WDR70: variants seen among roughly 807,000 people sequenced by gnomAD.
WDR70 encodes the protein WD repeat-containing protein 70.
Under a neutral mutation model 88.6 loss-of-function variants are expected in WDR70, and 53 were observed. The ratio of observed to expected loss-of-function variants is 0.60; its 90% CI spans 0.48 to 0.75. The LOEUF is 0.75. Among genes scored for constraint, WDR70 ranks in the 30% least tolerant of loss-of-function variants. WDR70 has a pLI of 0.00. For synonymous variants in WDR70, 280 were observed against 270.0 expected, an observed-to-expected ratio of 1.04 and a Z score of -0.36; for missense variants, 610 against 823.2, an observed-to-expected ratio of 0.74 and a Z score of 3.17.
intron 7 of WDR70, among the ~76,000 whole-genome samples, chr5:37,461,197 G>C (rs1738993184): frequency 6.6e-6 from 1 of 151,540 alleles, no homozygotes; most frequent in African/African-American, 2.4e-5. Flanking sequence ...GGCTTGGAAA[G>C]CTTCAAATAT....
chr5:37,671,888 G>T (rs1381620358), intron 10 of WDR70, among the ~76,000 whole-genome samples: 2 of 152,088 alleles, frequency 1.3e-5, no homozygotes, highest in Non-Finnish European at 1.5e-5. Flanking sequence ...TTTTGGGGGG[G>T]ACTTTTCCTG....
At chr5:37,575,963 T>A (rs909283757) in intron 9 of WDR70, among the ~76,000 whole-genome samples, 1 of 152,118 alleles carries the variant, frequency 6.6e-6, no homozygotes, top group South Asian at 2.1e-4. Context: ...GCTGGATAAT[T>A]TATTGTTGGT....
intron 8 of WDR70, among the ~76,000 whole-genome samples, chr5:37,492,469 C>T (rs1740095403): frequency 6.6e-6 from 1 of 152,132 alleles, no homozygotes; most frequent in Non-Finnish European, 1.5e-5. Context: ...GTATAATGGG[C>T]TAGTCACTCC....
At chr5:37,690,188 T>C (rs1471221208) in intron 10 of WDR70, among the ~76,000 whole-genome samples, 1 of 151,944 alleles carries the variant, frequency 6.6e-6, no homozygotes, top group Non-Finnish European at 1.5e-5. Flanking sequence ...AATGAACAAA[T>C]CCTCCAAGAA....
chr5:37,610,335 C>T (rs1197545398), intron 10 of WDR70, among the ~76,000 whole-genome samples: 1 of 150,048 alleles, frequency 6.7e-6, no homozygotes, highest in Admixed American at 6.6e-5. Context: ...AATTTGAAAG[C>T]ATAAAATAGT....
At chr5:37,640,431 A>G (rs946293806) in intron 10 of WDR70, among the ~76,000 whole-genome samples, 1 of 152,174 alleles carries the variant, frequency 6.6e-6, no homozygotes, top group Non-Finnish European at 1.5e-5. Context: ...CTAGTTTTTA[A>G]TAAATAGGCT....
chr5:37,406,175 G>A (rs1749346542), intron 5 of WDR70, among the ~76,000 whole-genome samples: 1 of 152,154 alleles, frequency 6.6e-6, no homozygotes, highest in Admixed American at 6.5e-5. Flanking sequence ...ACCAGGCTAT[G>A]GGTAGGCCAA....
chr5:37,703,297 C>T (rs1469743553), intron 13 of WDR70, among the ~76,000 whole-genome samples: 1 of 152,184 alleles, frequency 6.6e-6, no homozygotes, highest in East Asian at 1.9e-4. Context: ...TATGGACCTA[C>T]ACTTTAGTAG....
At chr5:37,557,957 A>ACTGTTTTGAAAACTC in intron 9 of WDR70, among the ~76,000 whole-genome samples, 1 of 139,250 alleles carries the variant, frequency 7.2e-6, no homozygotes, top group Non-Finnish European at 1.6e-5. Flanking sequence ...TCAAAAGAGT[A>ACTGTTTTGAAAACTC]TTATGTATAT....
chr5:37,645,942 A>AT (rs1302431441), intron 10 of WDR70, among the ~76,000 whole-genome samples: 3 of 152,038 alleles, frequency 2.0e-5, no homozygotes, highest in African/African-American at 7.2e-5. Context: ...GTATCTTTTG[A>AT]TTGGAGAGTT....
intron 17 of WDR70, among the ~76,000 whole-genome samples, chr5:37,745,751 C>T (rs1281476409): frequency 2.6e-5 from 4 of 152,030 alleles, no homozygotes; most frequent in African/African-American, 7.2e-5. Context: ...TATATGTATC[C>T]AATACAGGAG....
intron 9 of WDR70, among the ~76,000 whole-genome samples, chr5:37,535,427 G>T (rs938454923): frequency 3.9e-5 from 6 of 152,090 alleles, no homozygotes; most frequent in African/African-American, 1.4e-4. Context: ...TTGGAAAAGA[G>T]GACAGGGCCA....
intron 10 of WDR70, among the ~76,000 whole-genome samples, chr5:37,669,911 G>A (rs1745972711): frequency 6.6e-6 from 1 of 152,136 alleles, no homozygotes; most frequent in Non-Finnish European, 1.5e-5. Context: ...AATGAAAGAA[G>A]CTGTCACAAA....
chr5:37,702,225 A>G (rs1747184372), intron 12 of WDR70, among the ~76,000 whole-genome samples: 2 of 152,250 alleles, frequency 1.3e-5, no homozygotes, highest in Middle Eastern at 3.2e-3. Flanking sequence ...ATGAGTTTAT[A>G]GCTGATGATA....
intron 10 of WDR70, among the ~76,000 whole-genome samples, chr5:37,618,632 T>C (rs2112499861): frequency 6.6e-6 from 1 of 152,158 alleles, no homozygotes; most frequent in Non-Finnish European, 1.5e-5. Flanking sequence ...AGCCTTGACA[T>C]AGGGAAAAGT....
intron 10 of WDR70, among the ~76,000 whole-genome samples, chr5:37,664,990 G>C (rs1352212723): frequency 1.3e-5 from 2 of 152,208 alleles, no homozygotes; most frequent in Non-Finnish European, 2.9e-5. Flanking sequence ...GACTTAATAA[G>C]ATGGTCTGTA....
chr5:37,478,238 T>A (rs1241846095), intron 7 of WDR70, among the ~76,000 whole-genome samples: 3 of 152,240 alleles, frequency 2.0e-5, no homozygotes, highest in Admixed American at 6.5e-5. Flanking sequence ...CTAGTCCTTT[T>A]AATTACTTCT....
chr5:37,688,899 G>A (rs1489308481), intron 10 of WDR70, among the ~76,000 whole-genome samples: 1 of 152,102 alleles, frequency 6.6e-6, no homozygotes, highest in Non-Finnish European at 1.5e-5. Context: ...CACCTGGGAA[G>A]CGCAAGGGGT....
rs73063799 is a variant in WDR70, at chr5:37,628,813, T to C, written c.1092+23575T>C. 7.2e-3 allele frequency among the ~76,000 whole-genome samples: 1,092 copies of C among 152,326 alleles called. 15 individuals carry two copies. Among genetic ancestry groups the C allele is most frequent in the African/African-American group, 0.025 (1,026 of 41,566 alleles). On this transcript the variant is annotated intron_variant, in intron 10 of 17. Transcript: ENST00000265107. ...TTTATGGTTAGGTGGTTTTCTCTAG[T>C]GGTAAGGATTGATTATTTTCTCTTC...
Sources: gnomAD v4.1 joint callset for allele counts (sites outside exome capture counted in the v4.1 genomes callset) on GRCh38, gnomAD v4.1.1 for gene constraint, MANE v1.5 for transcripts, NCBI Gene and HGNC (gene_info 2026-07-23, HGNC 2026-07-21) for gene names.